The following DSCAML1 variants were observed in gnomAD, a reference collection of about 807,000 sequenced individuals.
DSCAML1 encodes the protein DS cell adhesion molecule like 1.
Under a neutral mutation model 200.5 loss-of-function variants are expected in DSCAML1, and 38 were observed. That is an observed-to-expected ratio of 0.19 (90% confidence interval 0.15 to 0.25). The LOEUF is 0.25. Ranked by LOEUF, DSCAML1 falls within the 10% of genes least tolerant of loss-of-function variation. The pLI is 1.00. For missense variants in DSCAML1, 2,223 were observed against 2,858.8 expected, an observed-to-expected ratio of 0.78 and a Z score of 5.07; for synonymous variants, 1,215 against 1,165.0, an observed-to-expected ratio of 1.04 and a Z score of -0.87.
At chr11:117,757,904 C>A (rs1222513844) in intron 3 of DSCAML1, among the ~76,000 whole-genome samples, 1 of 152,094 alleles carries the variant, frequency 6.6e-6, no homozygotes, top group Non-Finnish European at 1.5e-5. Context: ...TCAGGAGAAT[C>A]GCTTGAACCC....
chr11:117,458,208 C>G (rs1172136153), intron 19 of DSCAML1, among the ~76,000 whole-genome samples: 1 of 152,164 alleles, frequency 6.6e-6, no homozygotes, highest in African/African-American at 2.4e-5. Context: ...GTCCTTGAGT[C>G]TGGCCCTCTG....
intron 1 of DSCAML1, among the ~76,000 whole-genome samples, chr11:117,787,608 T>A (rs1407607758): frequency 6.6e-6 from 1 of 152,044 alleles, no homozygotes; most frequent in Non-Finnish European, 1.5e-5. Context: ...AAAAGTAGAT[T>A]TGCCATCCTG....
intron 3 of DSCAML1, among the ~76,000 whole-genome samples, chr11:117,772,297 C>T (rs775324979): frequency 2.0e-5 from 3 of 152,168 alleles, no homozygotes; most frequent in Non-Finnish European, 4.4e-5. Flanking sequence ...GGAGGAAGCA[C>T]TGCCTGATAG....
intron 19 of DSCAML1, among the ~76,000 whole-genome samples, chr11:117,457,671 C>T (rs575371124): frequency 6.6e-4 from 100 of 152,192 alleles, no homozygotes; most frequent in Non-Finnish European, 1.3e-3. Flanking sequence ...GAGGGAGAGC[C>T]GGGAGATTAA....
intron 3 of DSCAML1, among the ~76,000 whole-genome samples, chr11:117,654,028 TA>T (rs530755292): frequency 2.6e-5 from 4 of 151,922 alleles, no homozygotes; most frequent in Admixed American, 6.6e-5. Flanking sequence ...CTTTGTTTCT[TA>T]AAAAAAAGTA....
intron 3 of DSCAML1, among the ~76,000 whole-genome samples, chr11:117,585,840 C>T (rs2051130839): frequency 6.6e-6 from 1 of 152,188 alleles, no homozygotes; most frequent in African/African-American, 2.4e-5. Context: ...ACTTCTTGGC[C>T]ATTTTCCTGT....
chr11:117,713,159 T>A (rs972586267), intron 3 of DSCAML1, among the ~76,000 whole-genome samples: 1 of 152,150 alleles, frequency 6.6e-6, no homozygotes, highest in Admixed American at 6.5e-5. Context: ...TGTAACGGCA[T>A]GACCTCGGCT....
chr11:117,656,546 T>A (rs2052740778), intron 3 of DSCAML1, among the ~76,000 whole-genome samples: 1 of 151,026 alleles, frequency 6.6e-6, no homozygotes, highest in Non-Finnish European at 1.5e-5. Context: ...TATCTATCTA[T>A]CCATCCATCC....
Position 117,439,947 on chromosome 11 carries a change from G to A in DSCAML1, c.3863-11C>T. ...TGATCTTTGCTGGGGCTACAGGGAG[G>A]AGAGGATGAGGGCCACTCCACTTCT... On this transcript the variant is annotated splice_polypyrimidine_tract_variant and intron_variant, in intron 21 of 32. Coordinates refer to ENST00000651296, the MANE Select transcript of DSCAML1 (RefSeq NM_020693.4). 6.2e-7 allele frequency: 1 copy of A among 1,610,058 alleles called. No individual in the cohort carries two copies.
At chr11:117,807,659 G>A (rs1254569219) in intron 1 of DSCAML1, among the ~76,000 whole-genome samples, 1 of 152,196 alleles carries the variant, frequency 6.6e-6, no homozygotes, top group South Asian at 2.1e-4. Flanking sequence ...TACCTGCCAT[G>A]GCCAGCAGGT....
At position 117,503,954 on chromosome 11, in the gene DSCAML1, G is replaced by A. The variant is rs1290589912; in HGVS notation, c.2250C>T (p.Ser750=). The part of the protein sequence containing the change: ...LTGRIQILPN[S]SLLIRHVLEE... ...CTAGGACGTGGCGGATCAGCAGCGA[G>A]CTGTTGGGCAGGATCTGGATGCGGC... The change falls in exon 11 of 33, where the codon AGC becomes AGT. Residue 750 remains serine, a synonymous_variant. Transcript: ENST00000651296. This position sits in a 1 kb window ranked among gnomAD's most constrained non-coding sequence, Gnocchi z 5.2. 6.2e-7 allele frequency: 1 copy of A among 1,614,092 alleles called. No homozygotes were observed. The highest frequency in any genetic ancestry group is 2.2e-5 in the East Asian group (1 of 44,894).
At chr11:117,677,058 A>G (rs1317677791) in intron 3 of DSCAML1, among the ~76,000 whole-genome samples, 1 of 152,188 alleles carries the variant, frequency 6.6e-6, no homozygotes, top group Non-Finnish European at 1.5e-5. Flanking sequence ...GTTTCTTCAC[A>G]TCTCCCACAA....
At chr11:117,520,169 G>A (rs977248294) in intron 6 of DSCAML1, among the ~76,000 whole-genome samples, 5 of 152,232 alleles carry the variant, frequency 3.3e-5, no homozygotes, top group Admixed American at 2.0e-4. Context: ...TGTGGGCACA[G>A]CCCAGTGCCA....
At chr11:117,608,685 T>G (rs890550872) in intron 3 of DSCAML1, among the ~76,000 whole-genome samples, 22 of 152,246 alleles carry the variant, frequency 1.4e-4, no homozygotes, top group Admixed American at 6.5e-4. Flanking sequence ...TTCACTAGCA[T>G]AAGTCTTCAT....
At chr11:117,770,173 A>G (rs1246384897) in intron 3 of DSCAML1, among the ~76,000 whole-genome samples, 1 of 152,150 alleles carries the variant, frequency 6.6e-6, no homozygotes, top group Non-Finnish European at 1.5e-5. Flanking sequence ...TCTTTGTGGG[A>G]AGACACTATA....
chr11:117,773,568 A>G (rs2055078159), intron 3 of DSCAML1, among the ~76,000 whole-genome samples: 1 of 147,630 alleles, frequency 6.8e-6, no homozygotes, highest in African/African-American at 2.5e-5. Context: ...CACACAGCAC[A>G]GCACACACAC....
At chr11:117,762,900 A>AATAATAATAATAATAATT (rs1434310169) in intron 3 of DSCAML1, among the ~76,000 whole-genome samples, 1 of 149,628 alleles carries the variant, frequency 6.7e-6, no homozygotes. Flanking sequence ...TAATAATAAT[A>AATAATAATAATAATAATT]ATTTAATATA....
At chr11:117,653,695 T>C (rs1417402549) in intron 3 of DSCAML1, among the ~76,000 whole-genome samples, 5 of 152,202 alleles carry the variant, frequency 3.3e-5, no homozygotes, top group African/African-American at 1.2e-4. Context: ...CCAGCCATTC[T>C]ACTCCTAGGC....
At chr11:117,577,260 T>G (rs140899286) in intron 3 of DSCAML1, among the ~76,000 whole-genome samples, 289 of 152,160 alleles carry the variant, frequency 1.9e-3, no homozygotes, top group African/African-American at 6.4e-3. Context: ...AAAGTATGGA[T>G]GCCCTGGCCC....
Sources: allele counts gnomAD v4.1 joint callset (sites outside exome capture counted in the v4.1 genomes callset), GRCh38; gene constraint gnomAD v4.1.1; non-coding constraint Gnocchi (gnomAD v3.1); transcripts MANE v1.5; gene names NCBI Gene and HGNC (gene_info 2026-07-23, HGNC 2026-07-21).